Variants in ADAMTSL3 observed in about 807,000 individuals in gnomAD.
The protein encoded by ADAMTSL3 is ADAMTS like 3, also known as ADAMTS-like protein 3.
In ADAMTSL3, 128 loss-of-function variants were observed where a neutral mutation model predicts 201.7. That is an observed-to-expected ratio of 0.63 (90% CI 0.55 to 0.73). The LOEUF (loss-of-function observed/expected upper bound fraction) is 0.73, where lower values mean the gene tolerates loss of function less well. Among genes scored for constraint, ADAMTSL3 ranks in the 30% least tolerant of loss-of-function variants. The pLI is 0.00. For synonymous variants in ADAMTSL3, 738 were observed against 748.4 expected, an observed-to-expected ratio of 0.99 and a Z score of 0.23; for missense variants, 1,990 against 2,119.6, an observed-to-expected ratio of 0.94 and a Z score of 1.20.
At position 84,037,689 on chromosome 15, in the gene ADAMTSL3, C is replaced by CT; in HGVS notation, c.4970-5dup. ...AGCTATATGTTACAGATATTTGTTT[C>CT]TTTTTTGCAGGAGACTGCACAGACA... On this transcript the variant is annotated splice_polypyrimidine_tract_variant and intron_variant, in intron 29 of 29. Coordinates refer to ENST00000286744, the MANE Select transcript of ADAMTSL3 (RefSeq NM_207517.3). 2 of 1,584,672 alleles carry CT rather than the reference C, an allele frequency of 1.3e-6. No homozygotes were observed. The highest frequency in any genetic ancestry group is 2.2e-5 in the East Asian group (1 of 44,706).
intron 3 of ADAMTSL3, among the ~76,000 whole-genome samples, chr15:83,746,216 A>G (rs915450490): frequency 2.0e-5 from 3 of 151,726 alleles, no homozygotes; most frequent in African/African-American, 7.2e-5. Flanking sequence ...CAAGAATGTG[A>G]TGTTTGCCCA....
At chr15:83,671,086 T>G (rs1479784874) in intron 2 of ADAMTSL3, among the ~76,000 whole-genome samples, 1 of 152,264 alleles carries the variant, frequency 6.6e-6, no homozygotes, top group Non-Finnish European at 1.5e-5. Context: ...GCAAATATTT[T>G]ATTGAAAATT....
At chr15:83,826,118 T>G (rs57275183) in intron 6 of ADAMTSL3, among the ~76,000 whole-genome samples, 15,360 of 152,074 alleles carry the variant, frequency 0.1, 989 homozygotes, top group East Asian at 0.32. Context: ...GATGTATTTT[T>G]TTTTTGAGAC....
intron 3 of ADAMTSL3, among the ~76,000 whole-genome samples, chr15:83,715,670 A>T (rs1052893326): frequency 3.9e-5 from 6 of 152,190 alleles, no homozygotes; most frequent in Non-Finnish European, 8.8e-5. Context: ...GTTGAAGATT[A>T]TACCCCTTGT....
chr15:83,977,652 A>G (rs2067310628), intron 20 of ADAMTSL3, among the ~76,000 whole-genome samples: 1 of 152,236 alleles, frequency 6.6e-6, no homozygotes, highest in Non-Finnish European at 1.5e-5. Flanking sequence ...GAGTGATTAA[A>G]GTTACCACAT....
At chr15:83,913,020 C>G in intron 15 of ADAMTSL3, 72 bp from the exon 16 acceptor site, 1 of 1,498,590 alleles carries the variant, frequency 6.7e-7, no homozygotes, top group Admixed American at 1.9e-5. Flanking sequence ...TTGAATGTGT[C>G]ACTCCTCCTT....
At chr15:84,031,959 T>G (rs1256358872) in intron 28 of ADAMTSL3, among the ~76,000 whole-genome samples, 4 of 152,178 alleles carry the variant, frequency 2.6e-5, no homozygotes, top group Non-Finnish European at 5.9e-5. Context: ...GGTTTAGGGA[T>G]AGAAGAGCTT....
chr15:83,808,970 T>C (rs560668149), intron 5 of ADAMTSL3, among the ~76,000 whole-genome samples: 2 of 151,292 alleles, frequency 1.3e-5, no homozygotes, highest in South Asian at 4.2e-4. Context: ...AACCAGTGGT[T>C]ACCAGAGACT....
intron 19 of ADAMTSL3, among the ~76,000 whole-genome samples, chr15:83,960,253 A>G (rs2066941537): frequency 6.6e-6 from 1 of 152,184 alleles, no homozygotes; most frequent in Admixed American, 6.6e-5. Context: ...AAACCCACTA[A>G]AAGAATGAAA....
chr15:83,822,170 G>A (rs1224023739), intron 6 of ADAMTSL3, among the ~76,000 whole-genome samples: 4 of 148,848 alleles, frequency 2.7e-5, no homozygotes, highest in African/African-American at 7.4e-5. Context: ...CTGGCCTGGC[G>A]GGGGCTGACC....
intron 6 of ADAMTSL3, among the ~76,000 whole-genome samples, chr15:83,829,651 C>T (rs1450208686): frequency 6.6e-6 from 1 of 152,192 alleles, no homozygotes; most frequent in Non-Finnish European, 1.5e-5. Flanking sequence ...CCTGCTTTCT[C>T]TTGTGGGCAT....
In ADAMTSL3 at chr15:83,943,067, G is replaced by A; in HGVS notation, c.2475G>A (p.Val825=). 1 of 1,611,368 alleles carries A rather than the reference G, an allele frequency of 6.2e-7. No homozygotes were observed. Among genetic ancestry groups the A allele is most frequent in the Non-Finnish European group, 8.5e-7 (1 of 1,179,060 alleles). The part of the protein sequence containing the change: ...ARTDCPPHLA[V]GDWSKCSVSC... ...CAGACTGTCCTCCACATTTAGCTGT[G>A]GGAGACTGGTCGAAGGTAAGGGCCA... Residue 825 remains valine (V), a synonymous_variant, in exon 19 of 30, where the codon GTG becomes GTA. Coordinates refer to ENST00000286744, the MANE Select transcript of ADAMTSL3 (RefSeq NM_207517.3).
chr15:83,933,592 T>A (rs1354392245), intron 17 of ADAMTSL3, among the ~76,000 whole-genome samples: 1 of 152,172 alleles, frequency 6.6e-6, no homozygotes, highest in Non-Finnish European at 1.5e-5. Flanking sequence ...GCTGCAAAAA[T>A]TTGTATAAGT....
chr15:83,938,992 T>C (rs928840551), intron 17 of ADAMTSL3, among the ~76,000 whole-genome samples: 2 of 152,222 alleles, frequency 1.3e-5, no homozygotes, highest in African/African-American at 2.4e-5. Context: ...TTTTTTATCA[T>C]GAATATCTGT....
At chr15:83,760,033 T>C (rs531408633) in intron 3 of ADAMTSL3, among the ~76,000 whole-genome samples, 1 of 152,152 alleles carries the variant, frequency 6.6e-6, no homozygotes, top group African/African-American at 2.4e-5. Context: ...CTCTTGCTTA[T>C]ATTTTTGTTT....
At chr15:83,709,576 C>G (rs183964176) in intron 3 of ADAMTSL3, among the ~76,000 whole-genome samples, 1 of 152,240 alleles carries the variant, frequency 6.6e-6, no homozygotes, top group African/African-American at 2.4e-5. Flanking sequence ...CTTTCTCTGC[C>G]TAGATCACCT....
chr15:83,943,125 C>A, intron 19 of ADAMTSL3, 43 bp downstream of exon 19: 1 of 1,550,936 alleles, frequency 6.4e-7, no homozygotes, highest in Non-Finnish European at 8.7e-7. Flanking sequence ...TTTTCTGCCC[C>A]TCCTTTGTTT....
intron 6 of ADAMTSL3, among the ~76,000 whole-genome samples, chr15:83,828,820 G>C (rs1162100226): frequency 1.3e-5 from 2 of 152,102 alleles, no homozygotes; most frequent in Non-Finnish European, 2.9e-5. Context: ...TTATATGCTG[G>C]ATTACGTTTA....
intron 15 of ADAMTSL3, among the ~76,000 whole-genome samples, chr15:83,901,810 A>G (rs1422436305): frequency 2.7e-5 from 4 of 145,668 alleles, no homozygotes; most frequent in African/African-American, 5.2e-5. Flanking sequence ...GAAGGAGTCT[A>G]TAGAAAGAAA....
Sources: gnomAD v4.1 joint callset for allele counts (sites outside exome capture counted in the v4.1 genomes callset) on GRCh38, gnomAD v4.1.1 for gene constraint, MANE v1.5 for transcripts, NCBI Gene and HGNC (gene_info 2026-07-23, HGNC 2026-07-21) for gene names.